ANKS1B: variants seen among roughly 807,000 people sequenced by gnomAD.
ANKS1B encodes the protein ankyrin repeat and sterile alpha motif domain containing 1B.
A neutral mutation model predicts 148.3 loss-of-function variants in ANKS1B; 36 were observed. That is an observed-to-expected ratio of 0.24 (90% CI 0.19 to 0.32). The LOEUF (loss-of-function observed/expected upper bound fraction) is 0.32, where lower values mean the gene tolerates loss of function less well. Ranked by LOEUF, ANKS1B falls within the 10% of genes least tolerant of loss-of-function variation. ANKS1B has a pLI of 1.00. For missense variants in ANKS1B, 1,157 were observed against 1,542.6 expected, an observed-to-expected ratio of 0.75 and a Z score of 4.19; for synonymous variants, 542 against 560.8, an observed-to-expected ratio of 0.97 and a Z score of 0.47.
At chr12:99,169,833 T>C (rs1221770041) in intron 14 of ANKS1B, among the ~76,000 whole-genome samples, 1 of 152,174 alleles carries the variant, frequency 6.6e-6, no homozygotes, top group Non-Finnish European at 1.5e-5. Context: ...CAGTTAAAAC[T>C]TGAACCCTAA....
intron 14 of ANKS1B, among the ~76,000 whole-genome samples, chr12:99,226,922 C>A (rs1344684880): frequency 6.6e-6 from 1 of 152,110 alleles, no homozygotes; most frequent in Non-Finnish European, 1.5e-5. Flanking sequence ...CTAGCAGAAA[C>A]TTAGAGGTAA....
At chr12:99,494,178 T>G (rs989580941) in intron 10 of ANKS1B, among the ~76,000 whole-genome samples, 4 of 152,158 alleles carry the variant, frequency 2.6e-5, no homozygotes, top group Admixed American at 6.6e-5. Context: ...AGAAATGCCC[T>G]TTTTGATTTT....
At chr12:99,534,033 T>C (rs17393423) in intron 9 of ANKS1B, among the ~76,000 whole-genome samples, 20,710 of 152,218 alleles carry the variant, frequency 0.14, 1,608 homozygotes, top group Non-Finnish European at 0.17. Context: ...TTTGTAGTCA[T>C]TTACTTCACA....
chr12:98,802,593 G>GTTT (rs2099012907), intron 20 of ANKS1B, among the ~76,000 whole-genome samples: 2 of 72,354 alleles, frequency 2.8e-5, no homozygotes, highest in African/African-American at 5.9e-5. Context: ...TAATGCACAG[G>GTTT]CTTTTTTTTT....
intron 12 of ANKS1B, among the ~76,000 whole-genome samples, chr12:99,326,570 G>A (rs560059702): frequency 1.3e-5 from 2 of 152,162 alleles, no homozygotes; most frequent in South Asian, 4.1e-4. Context: ...TAATGTAAAA[G>A]AGACTACATT....
chr12:98,944,509 A>G (rs1381214234), intron 17 of ANKS1B, among the ~76,000 whole-genome samples: 1 of 152,158 alleles, frequency 6.6e-6, no homozygotes, highest in African/African-American at 2.4e-5. Context: ...CTTTAGAGCA[A>G]TGCAAATGGA....
chr12:99,071,644 CTT>C (rs71646503), intron 16 of ANKS1B, among the ~76,000 whole-genome samples: 199 of 143,094 alleles, frequency 1.4e-3, no homozygotes, highest in East Asian at 5.5e-3. Flanking sequence ...TAATCTCTCT[CTT>C]TTTTTTTTTT....
intron 15 of ANKS1B, among the ~76,000 whole-genome samples, chr12:99,097,942 A>G (rs556621813): frequency 7.2e-5 from 11 of 152,336 alleles, no homozygotes; most frequent in African/African-American, 2.6e-4. Flanking sequence ...TTCTTCAGAT[A>G]AGTGTTCAGT....
intron 8 of ANKS1B, among the ~76,000 whole-genome samples, chr12:99,735,758 C>A (rs2059555132): frequency 7.0e-6 from 1 of 141,926 alleles, no homozygotes; most frequent in Non-Finnish European, 1.5e-5. Context: ...CTAACTCATT[C>A]TATGAGGCTA....
chr12:99,319,751 G>A (rs2084876709), intron 12 of ANKS1B, among the ~76,000 whole-genome samples: 1 of 152,078 alleles, frequency 6.6e-6, no homozygotes, highest in African/African-American at 2.4e-5. Context: ...CTAGTTGTTA[G>A]TTTGTTTGTT....
intron 19 of ANKS1B, among the ~76,000 whole-genome samples, chr12:98,823,259 G>A (rs900469930): frequency 3.9e-5 from 6 of 152,168 alleles, no homozygotes; most frequent in Non-Finnish European, 8.8e-5. Flanking sequence ...CTTATTGAGT[G>A]CACTCTTGAC....
intron 19 of ANKS1B, among the ~76,000 whole-genome samples, chr12:98,820,277 C>A (rs574099816): frequency 3.3e-4 from 50 of 152,312 alleles, no homozygotes; most frequent in African/African-American, 1.2e-3. Context: ...ATTTTTGTGG[C>A]CGTGGGCAAG....
chr12:98,832,275 G>T, intron 17 of ANKS1B, 139 bp from the exon 18 acceptor site: 1 of 652,798 alleles, frequency 1.5e-6, no homozygotes, highest in East Asian at 2.9e-5. Flanking sequence ...CAGTGTGACC[G>T]CTGAAGTCCA....
intron 17 of ANKS1B, 122 bp from the exon 18 acceptor site, chr12:98,832,258 G>C: frequency 1.3e-6 from 1 of 742,676 alleles, no homozygotes; most frequent in Non-Finnish European, 2.1e-6. Flanking sequence ...GAGATGTGGT[G>C]TCACTTCAGT....
intron 1 of ANKS1B, among the ~76,000 whole-genome samples, chr12:99,910,309 C>T (rs575129755): frequency 2.2e-5 from 3 of 139,508 alleles, no homozygotes; most frequent in East Asian, 2.0e-4. Flanking sequence ...GAGCCGAGAT[C>T]GCACCACTGC....
rs573446325 is a variant in ANKS1B at position 99,642,575 on chromosome 12, G to T, written c.1272+12492C>A. Among the ~76,000 whole-genome samples, 213 of 152,250 alleles carry T rather than the reference G, an allele frequency of 1.4e-3. 3 individuals carry two copies. The highest frequency in any genetic ancestry group is 3.2e-4 in the Non-Finnish European group (22 of 68,024). On this transcript the variant is annotated intron_variant, in intron 9 of 26. Transcript: ENST00000683438. Reference sequence around the variant, plus strand: ...TTATGTCTGTAATTCCAGCACTTTGGGAGGCCGAGGCAGGTGAATCACCTG... The same window carrying T: ...TTATGTCTGTAATTCCAGCACTTTGTGAGGCCGAGGCAGGTGAATCACCTG...
intron 16 of ANKS1B, among the ~76,000 whole-genome samples, chr12:99,054,713 A>G (rs566848140): frequency 6.6e-6 from 1 of 152,018 alleles, no homozygotes; most frequent in African/African-American, 2.4e-5. Flanking sequence ...TAATTTTTGT[A>G]TGTGTCTCTA....
chr12:99,754,381 G>T lies in ANKS1B; in HGVS notation c.1128+18541C>A, dbSNP rs569422486. The stretch of plus-strand genomic sequence containing the variant: ...TCAAGTTCTTAGAGACTTTCAAAAA[G>T]ACTTAGACTTCCAGAGAATAACAGT... On this transcript the variant is annotated intron_variant, in intron 8 of 26. Transcript: ENST00000683438. 4.5e-4 allele frequency among the ~76,000 whole-genome samples: 69 copies of T among 152,232 alleles called. No individual in the cohort carries two copies. In the South Asian group the frequency reaches 0.014, roughly 32 times the overall value.
At chr12:99,919,128 C>G (rs2094268049) in intron 1 of ANKS1B, among the ~76,000 whole-genome samples, 1 of 152,124 alleles carries the variant, frequency 6.6e-6, no homozygotes, top group African/African-American at 2.4e-5. Context: ...GCCCTGGGAA[C>G]TAGTATTCAA....
Sources: allele counts gnomAD v4.1 joint callset (sites outside exome capture counted in the v4.1 genomes callset), GRCh38; gene constraint gnomAD v4.1.1; transcripts MANE v1.5; gene names NCBI Gene and HGNC (gene_info 2026-07-23, HGNC 2026-07-21).